Variants in LAMC3 observed in about 807,000 individuals in gnomAD.
LAMC3 encodes the protein laminin subunit gamma 3, also known as laminin subunit gamma-3.
In LAMC3, 128 loss-of-function variants were observed where a neutral mutation model predicts 173.8. The ratio of observed to expected loss-of-function variants is 0.74; its 90% CI spans 0.64 to 0.85. The LOEUF is 0.85. Ranked by LOEUF, LAMC3 falls within the 40% of genes least tolerant of loss-of-function variation. The probability of loss-of-function intolerance (pLI) is 0.00; values close to 1 mark genes in which losing one functional copy is unlikely to be tolerated. For synonymous variants in LAMC3, 897 were observed against 909.1 expected (o/e 0.99, Z 0.24); for missense variants, 2,022 against 2,156.0 (o/e 0.94, Z 1.23).
intron 22 of LAMC3, among the ~76,000 whole-genome samples, 155 bp downstream of exon 22, chr9:131,077,489 C>A (rs1830151868): frequency 6.6e-6 from 1 of 151,758 alleles, no homozygotes; most frequent in Admixed American, 6.6e-5. Flanking sequence ...CCACCTGGGC[C>A]AACGTAGTGA....
chr9:131,021,596 A>G (rs1424007182), intron 1 of LAMC3, among the ~76,000 whole-genome samples: 1 of 152,104 alleles, frequency 6.6e-6, no homozygotes, highest in African/African-American at 2.4e-5. Flanking sequence ...CCCACCCAAC[A>G]AGCAGCGGTA....
At chr9:131,011,741 G>T (rs1833418017) in intron 1 of LAMC3, among the ~76,000 whole-genome samples, 2 of 151,970 alleles carry the variant, frequency 1.3e-5, no homozygotes, top group Admixed American at 6.6e-5. Flanking sequence ...AGGAATCTGG[G>T]ACAGGGTGGG....
intron 24 of LAMC3, among the ~76,000 whole-genome samples, chr9:131,084,496 G>A (rs1400173740): frequency 4.6e-5 from 7 of 151,472 alleles, no homozygotes; most frequent in African/African-American, 7.3e-5. Context: ...ATGAGCCACC[G>A]CACCTGACTA....
chr9:131,012,195 C>T (rs1564360904), intron 1 of LAMC3, among the ~76,000 whole-genome samples: 2 of 152,138 alleles, frequency 1.3e-5, no homozygotes. Flanking sequence ...GTCACCTCCT[C>T]TGTCCTGTGC....
chr9:131,091,160 G>T (rs1830417802), intron 27 of LAMC3, among the ~76,000 whole-genome samples: 1 of 152,254 alleles, frequency 6.6e-6, no homozygotes, highest in Admixed American at 6.5e-5. Flanking sequence ...TGCTGTCAGT[G>T]AATTGAGCCA....
intron 22 of LAMC3, among the ~76,000 whole-genome samples, chr9:131,078,504 CA>C (rs757256292): frequency 1.3e-5 from 2 of 150,754 alleles, no homozygotes; most frequent in African/African-American, 5.0e-5. Context: ...CAAAACAAAA[CA>C]AAAAAAACTC....
chr9:131,087,681 C>G, intron 26 of LAMC3, 37 bp from the exon 27 acceptor site: 1 of 1,613,530 alleles, frequency 6.2e-7, no homozygotes, highest in Non-Finnish European at 8.5e-7. Context: ...CGGGTGGGGA[C>G]GCCATTCAAG....
chr9:131,038,089 T>A (rs1833977419), intron 4 of LAMC3, among the ~76,000 whole-genome samples: 1 of 152,144 alleles, frequency 6.6e-6, no homozygotes, highest in Non-Finnish European at 1.5e-5. Context: ...GCCTCCTGTC[T>A]GCGACGCCCT....
At position 131,021,077 on chromosome 9, in the gene LAMC3, T is replaced by G. The variant is rs549467667; in HGVS notation, c.374-5208T>G. On this transcript the variant is annotated intron_variant, in intron 1 of 27. Transcript: ENST00000361069. ...ATTTCCCAACACTTCTCGTGTAAAC[T>G]CAAATTGTAGGTTCTTGCTTGGAGT... 5 of 152,328 alleles carry G rather than the reference T, an allele frequency of 3.3e-5. No individual in the cohort carries two copies. In the South Asian group the frequency reaches 1.0e-3, roughly 32 times the overall value. 9.4% of individuals were successfully genotyped at this position (152,328 alleles called of 1,614,324 possible). A position where few individuals can be genotyped will look rare whatever the true frequency, so the allele number is the denominator to read the frequency against.
At chr9:131,074,525 G>A (rs1023348571) in intron 20 of LAMC3, among the ~76,000 whole-genome samples, 2 of 151,634 alleles carry the variant, frequency 1.3e-5, no homozygotes, top group East Asian at 2.0e-4. Context: ...GTAAAACCCC[G>A]TCTCCACTGA....
At chr9:131,046,794 C>G (rs1254218960) in intron 8 of LAMC3, among the ~76,000 whole-genome samples, 1 of 152,090 alleles carries the variant, frequency 6.6e-6, no homozygotes, top group Non-Finnish European at 1.5e-5. Context: ...CCAGCGATGT[C>G]CCACGGAGCG....
intron 7 of LAMC3, among the ~76,000 whole-genome samples, chr9:131,044,659 C>T (rs571275364): frequency 1.3e-5 from 2 of 152,328 alleles, no homozygotes; most frequent in African/African-American, 4.8e-5. Flanking sequence ...TGTGGGTTTC[C>T]TGTGCCCCCA....
chr9:131,041,122 T>C (rs1834046125), intron 6 of LAMC3, among the ~76,000 whole-genome samples: 1 of 152,108 alleles, frequency 6.6e-6, no homozygotes, highest in Non-Finnish European at 1.5e-5. Context: ...ATCCTGGCAC[T>C]TTGGGAGGCC....
At chr9:131,077,367 G>T (rs1442609635) in intron 22 of LAMC3, 33 bp downstream of exon 22, 1 of 1,611,596 alleles carries the variant, frequency 6.2e-7, no homozygotes, top group Admixed American at 1.7e-5. Context: ...TCCGTGTGGG[G>T]TCGGGAGGAT....
At chr9:131,079,851 C>T (rs1349597445) in intron 23 of LAMC3, among the ~76,000 whole-genome samples, 1 of 151,936 alleles carries the variant, frequency 6.6e-6, no homozygotes, top group Non-Finnish European at 1.5e-5. Context: ...GGGGCCACAC[C>T]CACCATCCTG....
At chr9:131,068,527 C>T (rs1564384656) in intron 15 of LAMC3, among the ~76,000 whole-genome samples, 1 of 152,184 alleles carries the variant, frequency 6.6e-6, no homozygotes, top group South Asian at 2.1e-4. Flanking sequence ...CTTTTGGCCA[C>T]AGTAGCACCT....
At chr9:131,084,039 ATTT>A (rs34293977) in intron 24 of LAMC3, among the ~76,000 whole-genome samples, 1 of 131,190 alleles carries the variant, frequency 7.6e-6, no homozygotes, top group Non-Finnish European at 1.6e-5. Context: ...CACACCCGGC[ATTT>A]TTTTTTTTTT....
intron 6 of LAMC3, among the ~76,000 whole-genome samples, chr9:131,039,786 G>A (rs984250568): frequency 4.0e-5 from 6 of 151,850 alleles, no homozygotes; most frequent in African/African-American, 1.5e-4. Context: ...GGGTTCTCTG[G>A]GCCTCTGGAT....
At position 131,072,652 on chromosome 9, in the gene LAMC3, G is replaced by A. The variant is rs745647233; in HGVS notation, c.3234G>A (p.Glu1078=). Residue 1078 remains glutamate (E), a synonymous_variant, in exon 19 of 28, where the codon GAG becomes GAA. Transcript: ENST00000361069. The part of the protein sequence containing the change: ...LLPGAREAFL[E]QMMSLEGAVK... Reference sequence around the variant, plus strand: ...TAGGGGCTCGGGAAGCCTTCCTGGAGCAGATGATGAGCCTCGAGGGTGCTG... The same window carrying A: ...TAGGGGCTCGGGAAGCCTTCCTGGAACAGATGATGAGCCTCGAGGGTGCTG... 2.5e-6 allele frequency: 4 copies of A among 1,610,898 alleles called. No individual in the cohort carries two copies. The highest frequency in any genetic ancestry group is 3.4e-6 in the Non-Finnish European group (4 of 1,179,734).
Sources: allele counts gnomAD v4.1 joint callset (sites outside exome capture counted in the v4.1 genomes callset), GRCh38; gene constraint gnomAD v4.1.1; transcripts MANE v1.5; gene names NCBI Gene and HGNC (gene_info 2026-07-23, HGNC 2026-07-21).